PDZRN4: variants seen among roughly 807,000 people sequenced by gnomAD.
The protein encoded by PDZRN4 is PDZ domain containing ring finger 4.
In PDZRN4, 70 loss-of-function variants were observed where a neutral mutation model predicts 99.0. The ratio of observed to expected loss-of-function variants is 0.71; its 90% confidence interval spans 0.58 to 0.86. PDZRN4 has a LOEUF of 0.86. Among genes scored for constraint, PDZRN4 ranks in the 40% least tolerant of loss-of-function variants. The pLI is 0.00. For synonymous variants in PDZRN4, 551 were observed against 501.6 expected, an observed-to-expected ratio of 1.10 and a Z score of -1.32; for missense variants, 1,474 against 1,331.2, an observed-to-expected ratio of 1.11 and a Z score of -1.67.
intron 4 of PDZRN4, among the ~76,000 whole-genome samples, chr12:41,507,747 C>T (rs1415814936): frequency 2.6e-5 from 4 of 152,126 alleles, no homozygotes; most frequent in African/African-American, 9.7e-5. Flanking sequence ...CTTCTTGAGA[C>T]TTCGAGTTCC....
chr12:41,217,050 T>A (rs944823547), intron 3 of PDZRN4, among the ~76,000 whole-genome samples: 4 of 152,082 alleles, frequency 2.6e-5, no homozygotes, highest in African/African-American at 7.2e-5. Flanking sequence ...TTGTGAATGA[T>A]CCTTTCATAT....
rs753319965 is a variant in PDZRN4, at chr12:41,567,845, G to T, written c.1530G>T (p.Met510Ile). The T allele has an allele frequency of 6.2e-7, 1 of 1,613,664 alleles. No individual in the cohort carries two copies. Among genetic ancestry groups the T allele is most frequent in the East Asian group, 2.2e-5 (1 of 44,850 alleles). Reference sequence around the variant, plus strand: ...TCTTAGAGGAGTTAAACTTGGAGATGTTGGAAGAAGAGCATAATGAAGCAA... The same window carrying T: ...TCTTAGAGGAGTTAAACTTGGAGATTTTGGAAGAAGAGCATAATGAAGCAA... ...NEFLEELNLE[M>I]LEEEHNEAMQ... Residue 510 changes from methionine (M) to isoleucine (I), a missense_variant, in exon 9 of 10, where the codon ATG becomes ATT. Met to Ile is a conservative substitution (Grantham distance 10). Coordinates refer to ENST00000402685, the MANE Select transcript of PDZRN4 (RefSeq NM_001164595.2).
intron 5 of PDZRN4, among the ~76,000 whole-genome samples, chr12:41,527,577 TTTAAAATAAGCACACATTA>T (rs1444238334): frequency 1.3e-5 from 2 of 152,214 alleles, no homozygotes; most frequent in Non-Finnish European, 2.9e-5. Context: ...ATAAGGGCTT[TTTAAAATAAGCACACATTA>T]TTTAAGTCAA....
chr12:41,439,220 T>G (rs1952656628), intron 3 of PDZRN4, among the ~76,000 whole-genome samples: 1 of 152,182 alleles, frequency 6.6e-6, no homozygotes, highest in Non-Finnish European at 1.5e-5. Context: ...TTAACATTGT[T>G]AATTACACCA....
chr12:41,212,462 T>C (rs1053913962), intron 3 of PDZRN4, among the ~76,000 whole-genome samples: 2 of 152,052 alleles, frequency 1.3e-5, no homozygotes, highest in Non-Finnish European at 1.5e-5. Flanking sequence ...TTATTTTTCA[T>C]GTGTTTTATA....
chr12:41,258,299 T>C (rs1290794556), intron 3 of PDZRN4, among the ~76,000 whole-genome samples: 1 of 152,162 alleles, frequency 6.6e-6, no homozygotes, highest in African/African-American at 2.4e-5. Context: ...TTTGAACGAA[T>C]AAAACCTATA....
At chr12:41,255,748 C>A (rs1020734719) in intron 3 of PDZRN4, among the ~76,000 whole-genome samples, 1 of 152,106 alleles carries the variant, frequency 6.6e-6, no homozygotes, top group East Asian at 1.9e-4. Context: ...TCTGGTGAGG[C>A]CTCAGGAAGC....
chr12:41,439,672 G>C (rs1439006623), intron 3 of PDZRN4, among the ~76,000 whole-genome samples: 1 of 152,036 alleles, frequency 6.6e-6, no homozygotes, highest in African/African-American at 2.4e-5. Flanking sequence ...TAAATCTTGA[G>C]AAAATAGATA....
chr12:41,286,279 G>A lies in PDZRN4; in HGVS notation c.843+92091G>A, dbSNP rs138771089. Among the ~76,000 whole-genome samples, 244 of 149,830 alleles carry A rather than the reference G, an allele frequency of 1.6e-3. 2 individuals are homozygous for A. The highest frequency in any genetic ancestry group is 5.4e-3 in the African/African-American group (221 of 40,922). The stretch of plus-strand genomic sequence containing the variant: ...AGGTTCTAAGATAGACACTAAAGAA[G>A]AAGGCTGATCGCTCAGAAAGTCCTA... On this transcript the variant is annotated intron_variant, in intron 3 of 9. Coordinates refer to ENST00000402685, the MANE Select transcript of PDZRN4 (RefSeq NM_001164595.2).
chr12:41,543,981 G>A (rs1022942820), intron 5 of PDZRN4, among the ~76,000 whole-genome samples: 5 of 152,046 alleles, frequency 3.3e-5, no homozygotes, highest in African/African-American at 1.2e-4. Flanking sequence ...TAAATTTTAG[G>A]GTCATATTTC....
chr12:41,546,394 C>A (rs1467718182), intron 5 of PDZRN4, among the ~76,000 whole-genome samples: 2 of 152,082 alleles, frequency 1.3e-5, no homozygotes, highest in Admixed American at 1.3e-4. Context: ...GTAGTGTATT[C>A]TTGGTTATCA....
At chr12:41,549,509 A>G (rs1474680922) in intron 5 of PDZRN4, among the ~76,000 whole-genome samples, 1 of 152,196 alleles carries the variant, frequency 6.6e-6, no homozygotes, top group East Asian at 1.9e-4. Context: ...GTAGTATCTG[A>G]GACAATCTCA....
At chr12:41,225,821 G>T (rs763789116) in intron 3 of PDZRN4, among the ~76,000 whole-genome samples, 48 of 152,174 alleles carry the variant, frequency 3.2e-4, no homozygotes, top group Non-Finnish European at 5.4e-4. Flanking sequence ...CAGCTATAAG[G>T]TGTTGTAGGA....
chr12:41,388,834 A>C (rs1952190648), intron 3 of PDZRN4, among the ~76,000 whole-genome samples: 1 of 152,182 alleles, frequency 6.6e-6, no homozygotes, highest in South Asian at 2.1e-4. Context: ...TTCAAATATT[A>C]GGTATCTTTT....
At chr12:41,424,443 T>C (rs915317423) in intron 3 of PDZRN4, among the ~76,000 whole-genome samples, 5 of 152,210 alleles carry the variant, frequency 3.3e-5, no homozygotes, top group African/African-American at 1.2e-4. Flanking sequence ...ACAATTTTTA[T>C]ACTGACATTA....
chr12:41,220,068 G>T (rs1483219760), intron 3 of PDZRN4, among the ~76,000 whole-genome samples: 1 of 152,070 alleles, frequency 6.6e-6, no homozygotes, highest in Non-Finnish European at 1.5e-5. Context: ...CTCCAAGAGG[G>T]TATGAAGATT....
In PDZRN4 at chr12:41,322,877, C is replaced by A. The variant is rs180778298; in HGVS notation, c.843+128689C>A. Among the ~76,000 whole-genome samples the A allele has an allele frequency of 2.3e-3, 316 of 137,988 alleles. 2 individuals carry two copies. The highest frequency in any genetic ancestry group is 0.01 in the African/African-American group (288 of 28,300). 90.5% of individuals were successfully genotyped at this position (137,988 alleles called of 152,430 possible). On this transcript the variant is annotated intron_variant, in intron 3 of 9. Coordinates refer to ENST00000402685, the MANE Select transcript of PDZRN4 (RefSeq NM_001164595.2). Reference sequence around the variant, plus strand: ...TTTTTCTCGATTTCTTTCCTTTTTTCTTTTTTTTCTTTCTTTCATTTTATT... The same window carrying A: ...TTTTTCTCGATTTCTTTCCTTTTTTATTTTTTTTCTTTCTTTCATTTTATT...
At chr12:41,443,410 G>A (rs569481120) in intron 3 of PDZRN4, among the ~76,000 whole-genome samples, 3 of 152,216 alleles carry the variant, frequency 2.0e-5, no homozygotes, top group African/African-American at 4.8e-5. Flanking sequence ...AATAGGTATC[G>A]CTAAATGCTA....
At chr12:41,556,797 C>T (rs1939173824) in intron 7 of PDZRN4, among the ~76,000 whole-genome samples, 1 of 152,180 alleles carries the variant, frequency 6.6e-6, no homozygotes, top group African/African-American at 2.4e-5. Flanking sequence ...AAGCCAGTTT[C>T]TATCCTAAAC....
Sources: gnomAD v4.1 joint callset for allele counts (sites outside exome capture counted in the v4.1 genomes callset) on GRCh38, gnomAD v4.1.1 for gene constraint, MANE v1.5 for transcripts, NCBI Gene and HGNC (gene_info 2026-07-23, HGNC 2026-07-21) for gene names.